GARNL3: variants seen among roughly 807,000 people sequenced by gnomAD.
GARNL3 encodes the protein GTPase activating Rap/RanGAP domain like 3.
A neutral mutation model predicts 125.0 loss-of-function variants in GARNL3; 63 were observed. The observed-to-expected ratio is 0.50, with a 90% CI of 0.41 to 0.62. The LOEUF is 0.62. Ranked by LOEUF, GARNL3 falls within the 20% of genes least tolerant of loss-of-function variation. The pLI, the probability that GARNL3 is intolerant of heterozygous loss-of-function variation, is 0.00. For synonymous variants in GARNL3, 439 were observed against 457.5 expected (o/e 0.96, Z 0.52); for missense variants, 994 against 1,244.0 (o/e 0.80, Z 3.02).
chr9:127,326,797 A>G (rs2065587642), intron 7 of GARNL3, among the ~76,000 whole-genome samples: 1 of 152,108 alleles, frequency 6.6e-6, no homozygotes, highest in African/African-American at 2.4e-5. Context: ...GTGCCCTTAT[A>G]AACAAGGGAG....
intron 12 of GARNL3, among the ~76,000 whole-genome samples, chr9:127,339,011 A>G (rs144206233): frequency 8.7e-4 from 133 of 152,234 alleles, no homozygotes; most frequent in African/African-American, 3.0e-3. Context: ...AAAGAGGTTT[A>G]ATTGGGCCTG....
intron 1 of GARNL3, among the ~76,000 whole-genome samples, chr9:127,273,871 C>T (rs1202954458): frequency 6.6e-6 from 1 of 152,070 alleles, no homozygotes; most frequent in Non-Finnish European, 1.5e-5. Context: ...TGCATTGGCT[C>T]CTAGGAAGCT....
intron 21 of GARNL3, among the ~76,000 whole-genome samples, chr9:127,360,841 A>G (rs184731413): frequency 1.1e-4 from 16 of 152,310 alleles, no homozygotes; most frequent in Admixed American, 9.1e-4. Flanking sequence ...GTTCTGTAAC[A>G]ATCCTAGCTC....
At chr9:127,296,068 G>A (rs949802470) in intron 2 of GARNL3, among the ~76,000 whole-genome samples, 2 of 152,132 alleles carry the variant, frequency 1.3e-5, no homozygotes, top group African/African-American at 4.8e-5. Context: ...TAGATCCCTC[G>A]CATGTGCATT....
rs764695711 is a variant in GARNL3 at position 127,376,032 on chromosome 9, T to G, written c.2162-7406T>G. ...TGGAGTATAGTGGCGTGATCTTGGC[T>G]CACTGCAACCCCTGCTTCTGGGTTC... On this transcript the variant is annotated intron_variant, in intron 22 of 27. Coordinates refer to ENST00000373387, the MANE Select transcript of GARNL3 (RefSeq NM_032293.5). Among the ~76,000 whole-genome samples, 4 of 152,316 alleles carry G rather than the reference T, an allele frequency of 2.6e-5. No individual in the cohort carries two copies. The South Asian group carries it at 6.2e-4, about 24-fold the overall frequency.
At chr9:127,378,960 T>C (rs1444455833) in intron 22 of GARNL3, among the ~76,000 whole-genome samples, 1 of 152,022 alleles carries the variant, frequency 6.6e-6, no homozygotes, top group South Asian at 2.1e-4. Flanking sequence ...GTATTTTTAG[T>C]GGAGATGGGG....
At chr9:127,287,757 G>T (rs1759383574) in intron 1 of GARNL3, among the ~76,000 whole-genome samples, 1 of 152,218 alleles carries the variant, frequency 6.6e-6, no homozygotes, top group Admixed American at 6.5e-5. Flanking sequence ...AACCTGCATG[G>T]TTTGATTAAG....
chr9:127,306,701 T>C (rs1296000253), intron 2 of GARNL3, among the ~76,000 whole-genome samples: 3 of 148,622 alleles, frequency 2.0e-5, no homozygotes, highest in African/African-American at 7.5e-5. Context: ...TACTCCAGCC[T>C]GGATGACAGA....
In GARNL3 at chr9:127,388,915, T is replaced by C. The variant is rs1194401479; in HGVS notation, c.2539T>C (p.Ser847Pro). The change falls in exon 26 of 28, where the codon TCA (serine) becomes CCA (proline). Residue 847 changes from serine (S) to proline (P), a missense_variant. Transcript: ENST00000373387. ...PSSLGEGEIQ[S>P]KNLYKIPLRN... is the part of the protein sequence containing the mutation. ...AAATCACATTTCAGGTGAAATTCAA[T>C]CAAAAAATCTGTACAAGATTCCACT... 7 of 1,599,740 alleles carry C rather than the reference T, an allele frequency of 4.4e-6. No homozygotes were observed. In the East Asian group the frequency reaches 1.6e-4, roughly 36 times the overall value.
intron 18 of GARNL3, 135 bp from the exon 19 acceptor site, chr9:127,354,159 A>G (rs1420809325): frequency 2.0e-5 from 14 of 712,730 alleles, no homozygotes; most frequent in Non-Finnish European, 3.4e-5. Context: ...TTGTCAGGTT[A>G]AAGTGGTGTG....
chr9:127,265,678 G>A (rs879836287), intron 1 of GARNL3, among the ~76,000 whole-genome samples: 52 of 152,080 alleles, frequency 3.4e-4, no homozygotes, highest in African/African-American at 4.1e-4. Context: ...TTCCAATTAC[G>A]TGAAAATCTG....
intron 25 of GARNL3, among the ~76,000 whole-genome samples, chr9:127,387,841 ATAAT>A (rs1482100559): frequency 6.6e-6 from 1 of 151,936 alleles, no homozygotes; most frequent in African/African-American, 2.4e-5. Flanking sequence ...CATTATAAAA[ATAAT>A]AAATAAATAA....
At chr9:127,377,309 T>C (rs1831971119) in intron 22 of GARNL3, among the ~76,000 whole-genome samples, 1 of 149,294 alleles carries the variant, frequency 6.7e-6, no homozygotes, top group South Asian at 2.2e-4. Context: ...GATGAATTTT[T>C]TTAAAGATAA....
In GARNL3 at chr9:127,392,810, G is replaced by A. The variant is rs1296061878; in HGVS notation, c.2871-273G>A. On this transcript the variant is annotated intron_variant, in intron 27 of 27. Coordinates refer to ENST00000373387, the MANE Select transcript of GARNL3 (RefSeq NM_032293.5). The surrounding 1 kb of genome is among the most constrained non-coding windows in gnomAD (Gnocchi z 5.2). The stretch of plus-strand genomic sequence containing the variant: ...CTGGGCACCCATGGGAGGGTTTTAG[G>A]CAGGATGACATTATCTGGATTTGCA... Among the ~76,000 whole-genome samples, 1 of 152,188 alleles carries A rather than the reference G, an allele frequency of 6.6e-6. No individual in the cohort carries two copies. The highest frequency in any genetic ancestry group is 2.4e-5 in the African/African-American group (1 of 41,446).
chr9:127,329,410 G>T (rs1216067393), intron 7 of GARNL3, among the ~76,000 whole-genome samples: 1 of 152,104 alleles, frequency 6.6e-6, no homozygotes, highest in East Asian at 1.9e-4. Context: ...CTACACCCTT[G>T]GGTGCACAGG....
chr9:127,234,827 T>C (rs2063081673), intron 1 of GARNL3, among the ~76,000 whole-genome samples: 1 of 152,196 alleles, frequency 6.6e-6, no homozygotes, highest in South Asian at 2.1e-4. Context: ...CTTGGGATTC[T>C]GTTATACAGA....
chr9:127,393,173 C>T lies in GARNL3; in HGVS notation c.2961C>T (p.Asp987=). The change falls in exon 28 of 28, where the codon GAC becomes GAT. Residue 987 remains aspartate (D), a synonymous_variant. Coordinates refer to ENST00000373387, the MANE Select transcript of GARNL3 (RefSeq NM_032293.5). Reference sequence around the variant, plus strand: ...GCTCTGACCAGGACCCTGTGGCAGACAGAGAGGGCAGCCCGGTCTCCGGCA... The same window carrying T: ...GCTCTGACCAGGACCCTGTGGCAGATAGAGAGGGCAGCCCGGTCTCCGGCA... The part of the protein sequence containing the change: ...SASSDQDPVA[D]REGSPVSGSS... 6.2e-7 allele frequency: 1 copy of T among 1,614,006 alleles called. No homozygotes were observed. Among genetic ancestry groups the T allele is most frequent in the Non-Finnish European group, 8.5e-7 (1 of 1,179,830 alleles).
intron 21 of GARNL3, among the ~76,000 whole-genome samples, chr9:127,358,969 G>GA (rs962649428): frequency 2.0e-5 from 3 of 152,018 alleles, no homozygotes; most frequent in Admixed American, 1.3e-4. Flanking sequence ...CAGAATCTGG[G>GA]GGGGTGTGGT....
intron 6 of GARNL3, among the ~76,000 whole-genome samples, chr9:127,323,489 C>T (rs527261346): frequency 4.6e-5 from 7 of 152,312 alleles, no homozygotes; most frequent in Non-Finnish European, 7.3e-5. Context: ...ATTCCTTCAG[C>T]CTAGCCCACT....
Sources: gnomAD v4.1 joint callset for allele counts (sites outside exome capture counted in the v4.1 genomes callset) on GRCh38, gnomAD v4.1.1 for gene constraint, Gnocchi (gnomAD v3.1) non-coding constraint, MANE v1.5 for transcripts, NCBI Gene and HGNC (gene_info 2026-07-23, HGNC 2026-07-21) for gene names.